Variants in ABCA3 observed in about 807,000 individuals in gnomAD.
The protein encoded by ABCA3 is phospholipid-transporting ATPase ABCA3.
Under a neutral mutation model 172.8 loss-of-function variants are expected in ABCA3, and 88 were observed. That is an observed-to-expected ratio of 0.51 (90% CI 0.43 to 0.61). The LOEUF (loss-of-function observed/expected upper bound fraction) is 0.61, where lower values mean the gene tolerates loss of function less well. Ranked by LOEUF, ABCA3 falls within the 20% of genes least tolerant of loss-of-function variation. The pLI, the probability that ABCA3 is intolerant of heterozygous loss-of-function variation, is 0.00. For missense variants in ABCA3, 2,164 were observed against 2,301.0 expected (o/e 0.94, Z 1.22); for synonymous variants, 1,066 against 983.8 (o/e 1.08, Z -1.56).
At chr16:2,299,194 TGGGGGTCCCCC>T (rs2093684983) in intron 14 of ABCA3, among the ~76,000 whole-genome samples, 198 bp downstream of exon 14, 1 of 149,796 alleles carries the variant, frequency 6.7e-6, no homozygotes, top group African/African-American at 2.5e-5. Context: ...CAGGGGTCCC[TGGGGGTCCCCC>T]GGCATGTCCC....
In ABCA3 at chr16:2,276,459, C is replaced by T. The variant is rs1400397358; in HGVS notation, c.*215G>A. ...GCCCCAGCTCTGGGAAAGTGAACTC[C>T]AGAGTATGCAGACATGGAGATGCGC... is the stretch of plus-strand genomic sequence containing the variant. On this transcript the variant is annotated 3_prime_UTR_variant, in exon 33 of 33. Coordinates refer to ENST00000301732, the MANE Select transcript of ABCA3 (RefSeq NM_001089.3). 7.0e-6 allele frequency: 6 copies of T among 863,236 alleles called. No homozygotes were observed. The African/African-American group carries it at 1.0e-4, about 14-fold the overall frequency. The allele number at this position is 863,236 out of a possible 1,614,324, so 53.5% of individuals were successfully genotyped here.
At chr16:2,280,835 CA>C in intron 28 of ABCA3, among the ~76,000 whole-genome samples, 191 bp downstream of exon 28, 1 of 152,326 alleles carries the variant, frequency 6.6e-6, no homozygotes, top group Non-Finnish European at 1.5e-5. Flanking sequence ...CCCCTCCCAT[CA>C]CCTGCTAGTT....
In ABCA3 at chr16:2,285,137, C is replaced by T. The variant is rs1325529803; in HGVS notation, c.3484-139G>A. 11 of 1,002,248 alleles carry T rather than the reference C, an allele frequency of 1.1e-5. No individual in the cohort carries two copies. Among genetic ancestry groups the T allele is most frequent in the Admixed American group, 8.1e-5 (4 of 49,688 alleles). The allele number at this position is 1,002,248 out of a possible 1,614,324, so 62.1% of individuals were successfully genotyped here. ...CCATGTCCATCAGCCCCACAGGCCA[C>T]GTCTGGCCCCCGCGGTGGCTTTCAG... On this transcript the variant is annotated intron_variant, in intron 23 of 32. Transcript: ENST00000301732. The surrounding 1 kb of genome is among the most constrained non-coding windows in gnomAD (Gnocchi z 4.7).
In ABCA3 at chr16:2,278,584, G is replaced by C; in HGVS notation, c.4548-126C>G. 7.8e-7 allele frequency: 1 copy of C among 1,289,556 alleles called. No homozygotes were observed. The allele number at this position is 1,289,556 out of a possible 1,614,324, so 79.9% of individuals were successfully genotyped here. A position where few individuals can be genotyped will look rare whatever the true frequency, so the allele number is the denominator to read the frequency against. On this transcript the variant is annotated intron_variant, in intron 29 of 32. Transcript: ENST00000301732. The surrounding 1 kb of genome is among the most constrained non-coding windows in gnomAD (Gnocchi z 4.4). ...GCAATTGCAGAACAGCCCTAGTGAA[G>C]AGGAAGGAGCTGTGTGTGCACCTGG...
At chr16:2,323,393 T>C in intron 7 of ABCA3, 130 bp downstream of exon 7, 1 of 1,253,794 alleles carries the variant, frequency 8.0e-7, no homozygotes, top group South Asian at 1.2e-5. Context: ...CAGCAAAGAC[T>C]TGGAACCAAG....
At chr16:2,308,707 T>G (rs2093701887) in intron 10 of ABCA3, 84 bp from the exon 11 acceptor site, 1 of 1,539,836 alleles carries the variant, frequency 6.5e-7, no homozygotes, top group Non-Finnish European at 8.9e-7. Context: ...GGCAACCCCC[T>G]ACTCCTGGGG....
chr16:2,298,618 C>G (rs935224080), intron 14 of ABCA3, 78 bp from the exon 15 acceptor site: 1 of 1,531,554 alleles, frequency 6.5e-7, no homozygotes. Context: ...CCCCCACCCC[C>G]TCTCTGTCTC....
Position 2,303,960 on chromosome 16 carries a change from A to G in ABCA3, c.1467+9T>C. 6.2e-7 allele frequency: 1 copy of G among 1,614,134 alleles called. No individual in the cohort carries two copies. Among genetic ancestry groups the G allele is most frequent in the Non-Finnish European group, 8.5e-7 (1 of 1,180,016 alleles). On this transcript the variant is annotated intron_variant, in intron 12 of 32. Coordinates refer to ENST00000301732, the MANE Select transcript of ABCA3 (RefSeq NM_001089.3). Reference sequence around the variant, plus strand: ...GGCGGCGGCTCAAGAGCAGGGCATCAGAACTCACCATGATGAAGAAGTACC... The same window carrying G: ...GGCGGCGGCTCAAGAGCAGGGCATCGGAACTCACCATGATGAAGAAGTACC...
At chr16:2,300,453 G>C (rs1017045464) in intron 12 of ABCA3, among the ~76,000 whole-genome samples, 1 of 152,114 alleles carries the variant, frequency 6.6e-6, no homozygotes, top group African/African-American at 2.4e-5. Context: ...TTCATAGACA[G>C]AAGTTATCTA....
chr16:2,308,975 T>C (rs564423877), intron 10 of ABCA3, among the ~76,000 whole-genome samples: 2 of 151,690 alleles, frequency 1.3e-5, no homozygotes, highest in East Asian at 3.9e-4. Context: ...AGAAGGAGTC[T>C]TGCTCTGTCG....
chr16:2,302,150 A>C (rs2093690447), intron 12 of ABCA3, among the ~76,000 whole-genome samples: 1 of 152,194 alleles, frequency 6.6e-6, no homozygotes, highest in South Asian at 2.1e-4. Context: ...GCTGTTAATA[A>C]ATATGTGGGT....
intron 9 of ABCA3, 23 bp from the exon 10 acceptor site, chr16:2,317,426 G>A (rs373884473): frequency 1.6e-5 from 25 of 1,612,336 alleles, no homozygotes; most frequent in Middle Eastern, 3.3e-4. Flanking sequence ...GGCATGAGTC[G>A]GGCGTGGTGG....
Position 2,281,321 on chromosome 16 carries a change from C to T in ABCA3, c.4164+60G>A. The stretch of plus-strand genomic sequence containing the variant: ...AAAGCTTCCAGGGATGGGGTCGGAC[C>T]CTGGGGACAGCCAGGTAGTCAGCTG... On this transcript the variant is annotated intron_variant, in intron 27 of 32. Coordinates refer to ENST00000301732, the MANE Select transcript of ABCA3 (RefSeq NM_001089.3). This position sits in a 1 kb window ranked among gnomAD's most constrained non-coding sequence, Gnocchi z 4.7. 6.2e-7 allele frequency: 1 copy of T among 1,613,220 alleles called. No homozygotes were observed. Among genetic ancestry groups the T allele is most frequent in the Non-Finnish European group, 8.5e-7 (1 of 1,179,868 alleles).
intron 12 of ABCA3, among the ~76,000 whole-genome samples, chr16:2,302,062 C>T (rs189367163): frequency 1.1e-4 from 17 of 152,386 alleles, no homozygotes; most frequent in South Asian, 1.0e-3. Context: ...GCAAGTAATT[C>T]GGCCCATCCA....
Position 2,277,155 on chromosome 16 carries a change from GCA to G in ABCA3, c.4984-352_4984-351del, listed in dbSNP as rs924416999. ...CTGTAGCCCAGGCTGGAGTGCAGTG[GCA>G]CAATCATAGCTCACTGCAGTCTCGA... On this transcript the variant is annotated intron_variant, in intron 32 of 32. Transcript: ENST00000301732. The surrounding 1 kb of genome is among the most constrained non-coding windows in gnomAD (Gnocchi z 5.3). Among the ~76,000 whole-genome samples, 1 of 152,110 alleles carries G rather than the reference GCA, an allele frequency of 6.6e-6. No homozygotes were observed. Among genetic ancestry groups the G allele is most frequent in the African/African-American group, 2.4e-5 (1 of 41,398 alleles).
Position 2,283,791 on chromosome 16 carries a change from G to T in ABCA3, c.3863-433C>A. 4.0e-6 allele frequency: 1 copy of T among 250,232 alleles called. No individual in the cohort carries two copies. The allele number at this position is 250,232 out of a possible 1,614,324, so 15.5% of individuals were successfully genotyped here. A position where few individuals can be genotyped will look rare whatever the true frequency, so the allele number is the denominator to read the frequency against. On this transcript the variant is annotated intron_variant, in intron 25 of 32. Transcript: ENST00000301732. The surrounding 1 kb of genome is among the most constrained non-coding windows in gnomAD (Gnocchi z 5.4). Reference sequence around the variant, plus strand: ...GGGTCTTTGAATATGTGATTAGTAAGGATCTTAAGGTGAGACACTGGATTA... The same window carrying T: ...GGGTCTTTGAATATGTGATTAGTAATGATCTTAAGGTGAGACACTGGATTA...
intron 1 of ABCA3, chr16:2,332,497 T>C: frequency 3.2e-6 from 3 of 931,112 alleles, no homozygotes; most frequent in South Asian, 1.4e-5. Flanking sequence ...GGAGATGGAC[T>C]GACGGGTAGC....
chr16:2,293,414 C>T (rs1186086612), intron 18 of ABCA3, among the ~76,000 whole-genome samples: 1 of 139,298 alleles, frequency 7.2e-6, no homozygotes, highest in East Asian at 2.2e-4. Flanking sequence ...GTCTGTCACT[C>T]AGGCTGGAGT....
chr16:2,288,399 G>A (rs1022574651), intron 20 of ABCA3, 70 bp from the exon 21 acceptor site: 70 of 1,495,704 alleles, frequency 4.7e-5, no homozygotes, highest in Non-Finnish European at 5.7e-5. Context: ...ACCCACCTGC[G>A]GCAGGTGCTG....
Sources: gnomAD v4.1 joint callset for allele counts (sites outside exome capture counted in the v4.1 genomes callset) on GRCh38, gnomAD v4.1.1 for gene constraint, Gnocchi (gnomAD v3.1) non-coding constraint, MANE v1.5 for transcripts, NCBI Gene and HGNC (gene_info 2026-07-23, HGNC 2026-07-21) for gene names.